Variants in CAST observed in about 807,000 individuals in gnomAD.
The protein encoded by CAST is MIR583 host.
CAST carries 76 observed loss-of-function variants against 119.6 expected under a neutral mutation model. The ratio of observed to expected loss-of-function variants is 0.64; its 90% CI spans 0.53 to 0.77. The LOEUF (loss-of-function observed/expected upper bound fraction) is 0.77, where lower values mean the gene tolerates loss of function less well. CAST is among the 30% of genes least tolerant of loss of function. The pLI is 0.00. For synonymous variants in CAST, 319 were observed against 331.6 expected, an observed-to-expected ratio of 0.96 and a Z score of 0.41; for missense variants, 953 against 946.5, an observed-to-expected ratio of 1.01 and a Z score of -0.09.
chr5:96,004,034 T>C, the CAST span, among the ~76,000 whole-genome samples: 1 of 152,178 alleles, frequency 6.6e-6, no homozygotes, highest in South Asian at 2.1e-4. Flanking sequence ...CAAACCAACA[T>C]TTAAATATAG....
At chr5:96,273,340 C>T in the CAST span, among the ~76,000 whole-genome samples, 1 of 152,148 alleles carries the variant, frequency 6.6e-6, no homozygotes, top group Admixed American at 6.5e-5. Context: ...GAGATTGGAG[C>T]ATTTGAGACT....
At chr5:96,201,789 A>T in the CAST span, among the ~76,000 whole-genome samples, 1 of 152,088 alleles carries the variant, frequency 6.6e-6, no homozygotes, top group Non-Finnish European at 1.5e-5. Flanking sequence ...AAAGTGTCAC[A>T]GTGCATCCCC....
intron 1 of CAST, among the ~76,000 whole-genome samples, chr5:96,644,477 C>T (rs1747992238): frequency 1.3e-5 from 2 of 152,124 alleles, no homozygotes; most frequent in African/African-American, 2.4e-5. Flanking sequence ...TGTCCATTCC[C>T]AGAAAAGTCT....
At chr5:96,216,593 A>C in the CAST span, among the ~76,000 whole-genome samples, 1 of 152,202 alleles carries the variant, frequency 6.6e-6, no homozygotes, top group African/African-American at 2.4e-5. Flanking sequence ...GGCAATATTC[A>C]TTCACTGAAT....
chr5:96,548,178 A>G (rs1055163636), intron 1 of CAST, among the ~76,000 whole-genome samples: 1 of 152,170 alleles, frequency 6.6e-6, no homozygotes, highest in Admixed American at 6.5e-5. Flanking sequence ...TAGGTCCTCT[A>G]AGAAAAGCTT....
At chr5:96,390,543 A>G in the CAST span, 1 of 152,618 alleles carries the variant, frequency 6.6e-6, no homozygotes, top group South Asian at 2.1e-4. Context: ...CACAACACAT[A>G]CATGTACTTT....
the CAST span, among the ~76,000 whole-genome samples, chr5:95,976,868 TTC>T: frequency 1.3e-5 from 2 of 152,296 alleles, no homozygotes; most frequent in East Asian, 3.9e-4. Context: ...TTTTTTCTCG[TTC>T]TCTGTTTTCC....
At chr5:96,481,033 G>T in the CAST span, among the ~76,000 whole-genome samples, 1 of 152,056 alleles carries the variant, frequency 6.6e-6, no homozygotes. Flanking sequence ...TGAAGCTAAT[G>T]GATACATTTC....
chr5:96,609,066 G>C (rs1254754463), intron 1 of CAST, among the ~76,000 whole-genome samples: 1 of 152,148 alleles, frequency 6.6e-6, no homozygotes, highest in Admixed American at 6.5e-5. Flanking sequence ...CATCTACCCA[G>C]AAACAGCCTG....
the CAST span, among the ~76,000 whole-genome samples, chr5:96,314,626 A>G: frequency 2.0e-5 from 3 of 152,204 alleles, no homozygotes; most frequent in South Asian, 4.1e-4. Flanking sequence ...CTGCCTGGGT[A>G]ATTCTTACTT....
chr5:96,470,985 C>T, the CAST span, among the ~76,000 whole-genome samples: 1 of 152,048 alleles, frequency 6.6e-6, no homozygotes, highest in Non-Finnish European at 1.5e-5. Context: ...AAATCACATT[C>T]CAGAGTTGAG....
the CAST span, among the ~76,000 whole-genome samples, chr5:96,059,218 G>A: frequency 1.3e-5 from 2 of 152,044 alleles, no homozygotes; most frequent in Admixed American, 6.6e-5. Context: ...CCAGGTTACG[G>A]AAGTGTGAGC....
chr5:96,218,647 C>T, the CAST span, among the ~76,000 whole-genome samples: 1 of 152,176 alleles, frequency 6.6e-6, no homozygotes, highest in Non-Finnish European at 1.5e-5. Flanking sequence ...ATATTGCCGA[C>T]CCTCCAGTTT....
the CAST span, among the ~76,000 whole-genome samples, chr5:96,436,352 A>G: frequency 3.1e-4 from 47 of 152,230 alleles, no homozygotes; most frequent in African/African-American, 1.0e-3. Flanking sequence ...TTTACATGAT[A>G]CAATTATGAT....
At chr5:96,421,856 TCA>T in the CAST span, 1 of 1,242,100 alleles carries the variant, frequency 8.1e-7, no homozygotes, top group Non-Finnish European at 1.2e-6. Context: ...GTACTTTATT[TCA>T]CACAAATGCA....
chr5:96,141,885 C>T, the CAST span, among the ~76,000 whole-genome samples: 1 of 151,962 alleles, frequency 6.6e-6, no homozygotes, highest in African/African-American at 2.4e-5. Flanking sequence ...GGTGTGTAGC[C>T]GAGTATTTGA....
upstream of CAST, among the ~76,000 whole-genome samples, chr5:96,528,915 T>C (rs942168434): frequency 6.6e-6 from 1 of 152,240 alleles, no homozygotes; most frequent in African/African-American, 2.4e-5. Context: ...TCCCTGTTTC[T>C]TCCCCGAAGA....
the CAST span, among the ~76,000 whole-genome samples, chr5:96,171,553 G>T: frequency 6.6e-6 from 1 of 152,222 alleles, no homozygotes; most frequent in Non-Finnish European, 1.5e-5. Context: ...TGAAACGTGG[G>T]TGAATAATCA....
At chr5:95,989,349 C>G in the CAST span, among the ~76,000 whole-genome samples, 70 of 152,244 alleles carry the variant, frequency 4.6e-4, no homozygotes, top group Admixed American at 1.8e-3. Flanking sequence ...GTTTCACACT[C>G]TTTTGTTTTG....
Sources: gnomAD v4.1 joint callset for allele counts (sites outside exome capture counted in the v4.1 genomes callset) on GRCh38, gnomAD v4.1.1 for gene constraint, MANE v1.5 for transcripts, NCBI Gene and HGNC (gene_info 2026-07-23, HGNC 2026-07-21) for gene names.